PLEKHM1: variants seen among roughly 807,000 people sequenced by gnomAD.
PLEKHM1 encodes the protein pleckstrin homology and RUN domain containing M1, also known as pleckstrin homology domain-containing family M member 1.
Under a neutral mutation model 94.3 loss-of-function variants are expected in PLEKHM1, and 28 were observed. The ratio of observed to expected loss-of-function variants is 0.30; its 90% confidence interval spans 0.22 to 0.41. PLEKHM1 has a LOEUF of 0.41. Ranked by LOEUF, PLEKHM1 falls within the 10% of genes least tolerant of loss-of-function variation. PLEKHM1 has a pLI of 1.00. For synonymous variants in PLEKHM1, 424 were observed against 581.2 expected, an observed-to-expected ratio of 0.73 and a Z score of 3.89; for missense variants, 907 against 1,358.6, an observed-to-expected ratio of 0.67 and a Z score of 5.22.
At position 45,445,147 on chromosome 17, in the gene PLEKHM1, A is replaced by G. The variant is rs2050563653; in HGVS notation, c.2837+323T>C. On this transcript the variant is annotated intron_variant, in intron 9 of 11. Transcript: ENST00000430334. The surrounding 1 kb of genome is among the most constrained non-coding windows in gnomAD (Gnocchi z 4.2). ...GTGAACAAATAGATACATGAACAAA[A>G]CCCCAAAATCACCCCCAAAAGATGT... 6.6e-6 allele frequency among the ~76,000 whole-genome samples: 1 copy of G among 152,204 alleles called. No individual in the cohort carries two copies. Among genetic ancestry groups the G allele is most frequent in the Non-Finnish European group, 1.5e-5 (1 of 68,044 alleles).
At chr17:45,452,973 T>A in intron 7 of PLEKHM1, 1 of 387,632 alleles carries the variant, frequency 2.6e-6, no homozygotes, top group Non-Finnish European at 4.8e-6. Flanking sequence ...AAAAAAAGGG[T>A]GTACACTTAT....
chr17:45,457,489 G>A (rs1288883292), intron 6 of PLEKHM1, among the ~76,000 whole-genome samples: 1 of 151,870 alleles, frequency 6.6e-6, no homozygotes, highest in Non-Finnish European at 1.5e-5. Context: ...GAACACGGGA[G>A]GCGGAGGTTG....
At chr17:45,441,304 G>T (rs1279359813) in intron 9 of PLEKHM1, among the ~76,000 whole-genome samples, 1 of 152,192 alleles carries the variant, frequency 6.6e-6, no homozygotes, top group Non-Finnish European at 1.5e-5. Context: ...TGGGGGCTTG[G>T]CCTTGTCCCA....
Position 45,453,923 on chromosome 17 carries a change from C to T in PLEKHM1, c.1929G>A (p.Gln643=), listed in dbSNP as rs2050860395. ...GGGGCGCCTCGGGGGGTTCCTCAGG[C>T]TGGTCTGGGTACTGCACGTTCACCC... is the stretch of plus-strand genomic sequence containing the variant. ...DEWVNVQYPD[Q]PEEPPEAPQG... Residue 643 remains glutamine (Q), a synonymous_variant, in exon 7 of 12, where the codon CAG becomes CAA. Coordinates refer to ENST00000430334, the MANE Select transcript of PLEKHM1 (RefSeq NM_014798.3). This position sits in a 1 kb window ranked among gnomAD's most constrained non-coding sequence, Gnocchi z 4.1. 1 of 1,613,794 alleles carries T rather than the reference C, an allele frequency of 6.2e-7. No individual in the cohort carries two copies. Among genetic ancestry groups the T allele is most frequent in the Non-Finnish European group, 8.5e-7 (1 of 1,179,742 alleles).
intron 1 of PLEKHM1, among the ~76,000 whole-genome samples, chr17:45,485,344 C>G (rs1200211858): frequency 6.6e-6 from 1 of 152,122 alleles, no homozygotes; most frequent in Non-Finnish European, 1.5e-5. Context: ...GGGCTCCAAT[C>G]CCAGTCCACA....
chr17:45,449,525 T>G (rs1428711593), intron 8 of PLEKHM1, among the ~76,000 whole-genome samples: 1 of 150,772 alleles, frequency 6.6e-6, no homozygotes, highest in Non-Finnish European at 1.5e-5. Flanking sequence ...CATCTGCCTA[T>G]CTAGGCACCC....
intron 5 of PLEKHM1, chr17:45,459,903 C>T (rs1341199689): frequency 6.7e-6 from 1 of 148,430 alleles, no homozygotes; most frequent in Non-Finnish European, 1.5e-5. Context: ...TGAAACCCTA[C>T]CCCCCAGTAC....
At chr17:45,481,687 A>G in intron 2 of PLEKHM1, among the ~76,000 whole-genome samples, 1 of 144,688 alleles carries the variant, frequency 6.9e-6, no homozygotes, top group African/African-American at 2.6e-5. Flanking sequence ...TGCAGAGGGG[A>G]GGGAAGAGCC....
At position 45,475,592 on chromosome 17, in the gene PLEKHM1, C is replaced by G. The variant is rs759026894; in HGVS notation, c.431G>C (p.Arg144Pro). ...YLKLLLQEQA[R>P]LHEYYQPTAL... ...GGTGGGCTGGTAGTACTCATGCAAG[C>G]GGGCCTGCTCCTGCAGCAGCAGCTT... The change falls in exon 4 of 12, where the codon CGC (arginine) becomes CCC (proline). Residue 144 changes from arginine to proline, a missense_variant. By Grantham distance (103) the Arg-to-Pro change is moderately radical. Around this residue, in one of 3 missense-constraint regions of PLEKHM1, gnomAD observed 176 missense variants for 306.0 expected, o/e 0.58. Transcript: ENST00000430334. The G allele has an allele frequency of 3.7e-6, 6 of 1,613,980 alleles. No individual in the cohort carries two copies. Among genetic ancestry groups the G allele is most frequent in the Middle Eastern group, 3.3e-4 (2 of 6,058 alleles).
chr17:45,454,693 C>G (rs113873689), intron 6 of PLEKHM1: 6,449 of 361,090 alleles, frequency 0.018, 405 homozygotes, highest in African/African-American at 0.13. Context: ...TCTTCCTTCT[C>G]TATGGGGTGA....
intron 6 of PLEKHM1, among the ~76,000 whole-genome samples, chr17:45,456,033 T>C (rs1159446984): frequency 5.3e-5 from 8 of 152,192 alleles, no homozygotes; most frequent in Non-Finnish European, 1.0e-4. Flanking sequence ...GCAGGGTCTT[T>C]GCATTTGTTC....
Position 45,458,373 on chromosome 17 carries a change from C to T in PLEKHM1, c.1375G>A (p.Ala459Thr). Residue 459 changes from alanine to threonine, a missense_variant, in exon 6 of 12, where the codon GCT becomes ACT. Ala to Thr is a moderately conservative substitution (Grantham distance 58). Coordinates refer to ENST00000430334, the MANE Select transcript of PLEKHM1 (RefSeq NM_014798.3). ...TAAGAAGCTATTGGGTGGTCTGAAGCACTCTCCAGGGGTTGCTCCCGGGAA... is the reference window on the plus strand; with the variant it reads ...TAAGAAGCTATTGGGTGGTCTGAAGTACTCTCCAGGGGTTGCTCCCGGGAA... ...RPSREQPLES[A>T]SDHPIASYRG... is the part of the protein sequence containing the mutation. The T allele has an allele frequency of 5.0e-6, 8 of 1,613,986 alleles. No homozygotes were observed. Among genetic ancestry groups the T allele is most frequent in the Non-Finnish European group, 6.8e-6 (8 of 1,179,820 alleles).
chr17:45,474,256 A>T (rs2051628636), intron 4 of PLEKHM1, among the ~76,000 whole-genome samples: 1 of 151,846 alleles, frequency 6.6e-6, no homozygotes, highest in Non-Finnish European at 1.5e-5. Flanking sequence ...ACGGGGTTTC[A>T]CCATGTTAGT....
rs2051984180 is a variant in PLEKHM1 at position 45,482,497 on chromosome 17, A to C, written c.-13T>G. ...CCACTGAAAGCATCTCCACTCACGC[A>C]GCTGCTCCCTCAGAGAATCACATGA... On this transcript the variant is annotated 5_prime_UTR_variant, in exon 2 of 12. Coordinates refer to ENST00000430334, the MANE Select transcript of PLEKHM1 (RefSeq NM_014798.3). 8 of 1,007,854 alleles carry C rather than the reference A, an allele frequency of 7.9e-6. No homozygotes were observed. In the Middle Eastern group the frequency reaches 1.3e-3, roughly 158 times the overall value. The allele number at this position is 1,007,854 out of a possible 1,614,324, so 62.4% of individuals were successfully genotyped here. A position where few individuals can be genotyped will look rare whatever the true frequency, so the allele number is the denominator to read the frequency against.
At chr17:45,483,218 G>C (rs2052010048) in intron 1 of PLEKHM1, among the ~76,000 whole-genome samples, 1 of 152,042 alleles carries the variant, frequency 6.6e-6, no homozygotes, top group African/African-American at 2.4e-5. Context: ...CTCTCAGATG[G>C]AGAATGTGTA....
intron 1 of PLEKHM1, among the ~76,000 whole-genome samples, chr17:45,486,795 C>T (rs2052145798): frequency 1.3e-5 from 2 of 152,086 alleles, no homozygotes; most frequent in Admixed American, 6.6e-5. Context: ...GCCATAGCAC[C>T]CCACCTATCT....
At chr17:45,486,240 A>AAAAAAAAAAT (rs1555588810) in intron 1 of PLEKHM1, among the ~76,000 whole-genome samples, 4 of 142,860 alleles carry the variant, frequency 2.8e-5, no homozygotes, top group Admixed American at 7.3e-5. Context: ...TAAAATAAAA[A>AAAAAAAAAAT]AATAATAATA....
intron 1 of PLEKHM1, among the ~76,000 whole-genome samples, chr17:45,487,452 G>T (rs866676138): frequency 2.0e-5 from 3 of 152,284 alleles, no homozygotes; most frequent in Middle Eastern, 6.8e-3. Context: ...TTCTTCTTTA[G>T]AGGTACTCGG....
chr17:45,475,789 C>G, intron 3 of PLEKHM1, 63 bp from the exon 4 acceptor site: 28 of 1,497,050 alleles, frequency 1.9e-5, no homozygotes, highest in Non-Finnish European at 2.4e-5. Flanking sequence ...GTGCTTTTAT[C>G]CACTGGTTAG....
Sources: allele counts gnomAD v4.1 joint callset (sites outside exome capture counted in the v4.1 genomes callset), GRCh38; gene constraint gnomAD v4.1.1; regional missense constraint gnomAD v4.1.1; non-coding constraint Gnocchi (gnomAD v3.1); transcripts MANE v1.5; gene names NCBI Gene and HGNC (gene_info 2026-07-23, HGNC 2026-07-21).